Variants in KCNAB1 observed in about 807,000 individuals in gnomAD.
KCNAB1 encodes the protein voltage-gated potassium channel subunit beta-1.
In KCNAB1, 35 loss-of-function variants were observed where a neutral mutation model predicts 64.6. The observed-to-expected ratio is 0.54, with a 90% CI of 0.41 to 0.72. The LOEUF (loss-of-function observed/expected upper bound fraction) is 0.72, where lower values mean the gene tolerates loss of function less well. Among genes scored for constraint, KCNAB1 ranks in the 30% least tolerant of loss-of-function variants. The pLI is 0.00. For synonymous variants in KCNAB1, 177 were observed against 183.8 expected (o/e 0.96, Z 0.30); for missense variants, 401 against 512.9 (o/e 0.78, Z 2.11).
intron 1 of KCNAB1, among the ~76,000 whole-genome samples, chr3:156,236,185 T>C (rs1230093368): frequency 2.0e-5 from 3 of 152,308 alleles, no homozygotes; most frequent in African/African-American, 7.2e-5. Flanking sequence ...TCTTTTCAGC[T>C]CATTTGAAAA....
chr3:156,374,172 G>T (rs568391578), intron 1 of KCNAB1, among the ~76,000 whole-genome samples: 1 of 152,336 alleles, frequency 6.6e-6, no homozygotes, highest in Non-Finnish European at 1.5e-5. Context: ...GGCGCCAGCT[G>T]CCTGCCAACT....
At chr3:156,296,476 CT>C (rs776717744) in intron 1 of KCNAB1, among the ~76,000 whole-genome samples, 642 of 110,918 alleles carry the variant, frequency 5.8e-3, no homozygotes, top group Non-Finnish European at 9.9e-3. Flanking sequence ...CCCCCCCCAC[CT>C]TTTTTTTTTT....
chr3:156,178,892 T>C (rs991403089), intron 1 of KCNAB1, among the ~76,000 whole-genome samples: 1 of 150,220 alleles, frequency 6.7e-6, no homozygotes, highest in Non-Finnish European at 1.5e-5. Flanking sequence ...TCCCAGCTAC[T>C]TGGGAGGCTG....
chr3:156,497,318 A>G (rs1375345850), intron 8 of KCNAB1, among the ~76,000 whole-genome samples: 1 of 152,252 alleles, frequency 6.6e-6, no homozygotes, highest in African/African-American at 2.4e-5. Flanking sequence ...CCAGCTCTAC[A>G]CTATTAAAGG....
chr3:156,137,458 C>G (rs994811134), intron 1 of KCNAB1, among the ~76,000 whole-genome samples: 1 of 152,038 alleles, frequency 6.6e-6, no homozygotes, highest in East Asian at 1.9e-4. Context: ...GAGAAAATCT[C>G]GACTAACAGG....
intron 1 of KCNAB1, among the ~76,000 whole-genome samples, chr3:156,181,392 C>T (rs561521526): frequency 2.0e-5 from 3 of 152,190 alleles, no homozygotes; most frequent in Admixed American, 6.5e-5. Flanking sequence ...ATGAGAGTCC[C>T]GAGTGCCAGG....
intron 7 of KCNAB1, among the ~76,000 whole-genome samples, chr3:156,467,692 A>G (rs768484642): frequency 3.9e-5 from 6 of 152,090 alleles, no homozygotes; most frequent in Non-Finnish European, 5.9e-5. Context: ...TTTTTTCTTA[A>G]TTAAAATACA....
chr3:156,339,397 C>A (rs1275497277), intron 1 of KCNAB1, among the ~76,000 whole-genome samples: 1 of 152,286 alleles, frequency 6.6e-6, no homozygotes, highest in Admixed American at 6.5e-5. Context: ...AGTGCCTACT[C>A]TGTGTTTATT....
intron 1 of KCNAB1, among the ~76,000 whole-genome samples, chr3:156,182,541 T>G (rs1712883914): frequency 6.6e-6 from 1 of 152,112 alleles, no homozygotes; most frequent in African/African-American, 2.4e-5. Context: ...TTCTTCACCC[T>G]TATTTTCCAA....
chr3:156,140,005 T>A (rs1714613567), intron 1 of KCNAB1, among the ~76,000 whole-genome samples: 1 of 152,232 alleles, frequency 6.6e-6, no homozygotes, highest in Non-Finnish European at 1.5e-5. Context: ...AAATGTAGTG[T>A]ATTCCTGTTT....
At chr3:156,459,644 C>T (rs1188433216) in intron 4 of KCNAB1, among the ~76,000 whole-genome samples, 183 bp from the exon 5 acceptor site, 2 of 151,962 alleles carry the variant, frequency 1.3e-5, no homozygotes, top group African/African-American at 2.4e-5. Flanking sequence ...TGGAATGCTC[C>T]GGAGCAGGAT....
At chr3:156,393,606 T>A (rs1441286581) in intron 1 of KCNAB1, among the ~76,000 whole-genome samples, 1 of 152,234 alleles carries the variant, frequency 6.6e-6, no homozygotes, top group Non-Finnish European at 1.5e-5. Flanking sequence ...GTGAGAGTCC[T>A]GCTTCCTATG....
intron 1 of KCNAB1, among the ~76,000 whole-genome samples, chr3:156,161,626 G>T (rs1716086717): frequency 6.6e-6 from 1 of 152,088 alleles, no homozygotes; most frequent in South Asian, 2.1e-4. Context: ...TTGAATATAG[G>T]TAACTGTCTA....
chr3:156,463,856 G>T, intron 6 of KCNAB1, 110 bp downstream of exon 6: 4 of 720,104 alleles, frequency 5.6e-6, no homozygotes, highest in Non-Finnish European at 8.8e-6. Flanking sequence ...TAGAGAGAGG[G>T]TTTTTTGTTT....
chr3:156,359,457 A>G (rs1237980848), intron 1 of KCNAB1, among the ~76,000 whole-genome samples: 1 of 152,208 alleles, frequency 6.6e-6, no homozygotes, highest in Non-Finnish European at 1.5e-5. Context: ...AGGAATTTCA[A>G]AAGGTGAAGG....
chr3:156,172,105 C>T (rs995935835), intron 1 of KCNAB1, among the ~76,000 whole-genome samples: 5 of 152,160 alleles, frequency 3.3e-5, no homozygotes, highest in African/African-American at 1.2e-4. Context: ...CCAGTGGATT[C>T]ACACATAAAC....
At chr3:156,443,883 T>C (rs1318888313) in intron 2 of KCNAB1, among the ~76,000 whole-genome samples, 2 of 152,118 alleles carry the variant, frequency 1.3e-5, no homozygotes, top group Non-Finnish European at 2.9e-5. Flanking sequence ...CTACTTTTAT[T>C]GCTATTTCAA....
intron 1 of KCNAB1, among the ~76,000 whole-genome samples, chr3:156,371,091 T>G (rs921900054): frequency 6.6e-6 from 1 of 152,168 alleles, no homozygotes; most frequent in Admixed American, 6.5e-5. Flanking sequence ...ACTTCCAGAT[T>G]TTCCAGCATG....
chr3:156,196,115 C>A (rs1473800728), intron 1 of KCNAB1, among the ~76,000 whole-genome samples: 1 of 152,092 alleles, frequency 6.6e-6, no homozygotes, highest in Non-Finnish European at 1.5e-5. Context: ...GGTGTAATTT[C>A]TGAGGACTTT....
Sources: gnomAD v4.1 joint callset for allele counts (sites outside exome capture counted in the v4.1 genomes callset) on GRCh38, gnomAD v4.1.1 for gene constraint, MANE v1.5 for transcripts, NCBI Gene and HGNC (gene_info 2026-07-23, HGNC 2026-07-21) for gene names.